Variants in IL1RAPL1 observed in about 807,000 individuals in gnomAD.
The protein encoded by IL1RAPL1 is interleukin 1 receptor accessory protein like 1.
Under a neutral mutation model 48.4 loss-of-function variants are expected in IL1RAPL1, and 3 were observed. That is an observed-to-expected ratio of 0.06 (90% CI 0.03 to 0.16). The LOEUF is 0.16. IL1RAPL1 is among the 10% of genes least tolerant of loss of function. IL1RAPL1 has a pLI of 1.00. For missense variants in IL1RAPL1, 349 were observed against 530.6 expected, an observed-to-expected ratio of 0.66 and a Z score of 3.36; for synonymous variants, 185 against 187.7, an observed-to-expected ratio of 0.99 and a Z score of 0.12.
intron 2 of IL1RAPL1, among the ~76,000 whole-genome samples, chrX:28,812,909 CT>C (rs746841608): frequency 1.0e-3 from 112 of 110,490 alleles, no homozygotes; most frequent in African/African-American, 3.0e-3. Context: ...ACCCAGGGCC[CT>C]CTGAAAGAAT....
intron 6 of IL1RAPL1, among the ~76,000 whole-genome samples, chrX:29,839,563 C>T (rs1027245388): frequency 7.1e-5 from 8 of 112,067 alleles, no homozygotes; most frequent in African/African-American, 2.6e-4. Flanking sequence ...CCTAAAATTA[C>T]GTATTATGCA....
At chrX:28,779,634 G>GTATATATATATATATA (rs1183080798) in intron 1 of IL1RAPL1, among the ~76,000 whole-genome samples, 7 of 38,343 alleles carry the variant, frequency 1.8e-4, no homozygotes, top group Non-Finnish European at 2.2e-4. Context: ...GTGTGTGTGT[G>GTATATATATATATATA]TATATATATA....
At chrX:28,621,860 A>G (rs72625514) in intron 1 of IL1RAPL1, among the ~76,000 whole-genome samples, 6,094 of 111,586 alleles carry the variant, frequency 0.055, 394 homozygotes, top group East Asian at 0.47. Context: ...ATGTCCATAG[A>G]TAGACAATGT....
chrX:28,802,332 T>C lies in IL1RAPL1; in HGVS notation c.82+12907T>C, dbSNP rs751884760. Reference sequence around the variant, plus strand: ...AGGCAAATTTCTTTTTGTAGAGTTATGGTCTCTTAAGACATCTATGCAAGA... The same window carrying C: ...AGGCAAATTTCTTTTTGTAGAGTTACGGTCTCTTAAGACATCTATGCAAGA... On this transcript the variant is annotated intron_variant, in intron 2 of 10. Transcript: ENST00000378993. Among the ~76,000 whole-genome samples the C allele has an allele frequency of 6.2e-5, 7 of 112,326 alleles. No homozygotes were observed. In the South Asian group the frequency reaches 2.2e-3, roughly 35 times the overall value.
chrX:29,414,928 C>G (rs1039244329), intron 5 of IL1RAPL1, among the ~76,000 whole-genome samples: 1 of 111,589 alleles, frequency 9.0e-6, no homozygotes, highest in Non-Finnish European at 1.9e-5. Context: ...GCTAAAGAAA[C>G]TTCTATTGTT....
At chrX:29,276,550 A>C (rs1932122082) in intron 2 of IL1RAPL1, among the ~76,000 whole-genome samples, 1 of 105,634 alleles carries the variant, frequency 9.5e-6, no homozygotes, top group African/African-American at 3.3e-5. Context: ...ATACATTTTC[A>C]ATACTCATTT....
At chrX:28,812,155 T>C (rs1257191486) in intron 2 of IL1RAPL1, among the ~76,000 whole-genome samples, 5 of 111,115 alleles carry the variant, frequency 4.5e-5, no homozygotes, top group Non-Finnish European at 1.9e-5. Flanking sequence ...TGCAGGAAAA[T>C]TTATATATAA....
chrX:28,819,989 TATA>T lies in IL1RAPL1; in HGVS notation c.82+30565_82+30567del, dbSNP rs1382936801. Among the ~76,000 whole-genome samples, 749 of 79,492 alleles carry T rather than the reference TATA, an allele frequency of 9.4e-3. 9 individuals are homozygous for T. Among genetic ancestry groups the T allele is most frequent in the Non-Finnish European group, 0.015 (637 of 41,339 alleles). 69.0% of individuals were successfully genotyped at this position (79,492 alleles called of 115,157 possible). ...AGTGATATATATATATATATATATA[TATA>T]TATATATATATATATATATATACAT... On this transcript the variant is annotated intron_variant, in intron 2 of 10. Transcript: ENST00000378993.
intron 6 of IL1RAPL1, among the ~76,000 whole-genome samples, chrX:29,677,078 A>C (rs745863109): frequency 8.9e-6 from 1 of 112,218 alleles, no homozygotes; most frequent in Admixed American, 9.5e-5. Flanking sequence ...ATTAAAATAG[A>C]AACTATAAAA....
At chrX:29,122,382 A>ATC (rs1284611152) in intron 2 of IL1RAPL1, among the ~76,000 whole-genome samples, 2 of 99,543 alleles carry the variant, frequency 2.0e-5, no homozygotes, top group East Asian at 3.3e-4. Flanking sequence ...GGATATATAC[A>ATC]TCTCTCTCTC....
chrX:29,193,761 A>T (rs1304861018), intron 2 of IL1RAPL1, among the ~76,000 whole-genome samples: 3 of 111,644 alleles, frequency 2.7e-5, no homozygotes, highest in South Asian at 3.7e-4. Flanking sequence ...TAATACACAC[A>T]TAGGCAAATA....
intron 5 of IL1RAPL1, among the ~76,000 whole-genome samples, chrX:29,512,737 A>G (rs1935406203): frequency 8.9e-6 from 1 of 112,149 alleles, no homozygotes; most frequent in African/African-American, 3.2e-5. Flanking sequence ...GATTAGCATT[A>G]CATATTCCCA....
chrX:29,571,657 A>G (rs1023069154), intron 5 of IL1RAPL1, among the ~76,000 whole-genome samples: 2 of 111,887 alleles, frequency 1.8e-5, no homozygotes, highest in African/African-American at 6.5e-5. Context: ...ACATAGAAAT[A>G]ATTGCAATAT....
chrX:29,491,746 C>T (rs921263450), intron 5 of IL1RAPL1, among the ~76,000 whole-genome samples: 1 of 111,107 alleles, frequency 9.0e-6, no homozygotes, highest in East Asian at 2.8e-4. Flanking sequence ...TAAGCAAAAT[C>T]GCCCAGGCGT....
At chrX:28,629,363 C>A (rs1198226651) in intron 1 of IL1RAPL1, among the ~76,000 whole-genome samples, 1 of 111,362 alleles carries the variant, frequency 9.0e-6, no homozygotes, top group Admixed American at 9.6e-5. Context: ...ACTCACTATA[C>A]CTAAAGAAGC....
intron 3 of IL1RAPL1, among the ~76,000 whole-genome samples, chrX:29,391,538 A>T (rs1933853030): frequency 1.8e-5 from 2 of 110,761 alleles, no homozygotes; most frequent in African/African-American, 6.6e-5. Flanking sequence ...GATTTTGGGG[A>T]CTTTAAGGAC....
At chrX:29,811,922 C>CT (rs1174178621) in intron 6 of IL1RAPL1, among the ~76,000 whole-genome samples, 1 of 111,648 alleles carries the variant, frequency 9.0e-6, no homozygotes, top group Admixed American at 9.6e-5. Context: ...AAAGCACACC[C>CT]TTTAACACAG....
chrX:29,850,925 C>A (rs1385796541), intron 6 of IL1RAPL1, among the ~76,000 whole-genome samples: 2 of 111,970 alleles, frequency 1.8e-5, no homozygotes, highest in Non-Finnish European at 3.8e-5. Flanking sequence ...GATGAGAGTT[C>A]TTCCTATTCT....
chrX:29,439,647 T>C (rs948151950), intron 5 of IL1RAPL1, among the ~76,000 whole-genome samples: 1 of 110,912 alleles, frequency 9.0e-6, no homozygotes, highest in Non-Finnish European at 1.9e-5. Context: ...ACAGGAAAAC[T>C]AATGCTCCAC....
Sources: gnomAD v4.1 joint callset for allele counts (sites outside exome capture counted in the v4.1 genomes callset) on GRCh38, gnomAD v4.1.1 for gene constraint, MANE v1.5 for transcripts, NCBI Gene and HGNC (gene_info 2026-07-23, HGNC 2026-07-21) for gene names.